The following SCN7A variants were observed in gnomAD, a reference collection of about 807,000 sequenced individuals.
SCN7A encodes sodium channel protein type 7 subunit alpha.
A neutral mutation model predicts 155.2 loss-of-function variants in SCN7A; 138 were observed. The observed-to-expected ratio is 0.89, with a 90% CI of 0.77 to 1.02. SCN7A has a LOEUF of 1.02. Ranked by LOEUF, SCN7A falls within the 50% of genes least tolerant of loss-of-function variation. The probability of loss-of-function intolerance (pLI) is 0.00; values close to 1 mark genes in which losing one functional copy is unlikely to be tolerated. For missense variants in SCN7A, 2,058 were observed against 1,986.6 expected, an observed-to-expected ratio of 1.04 and a Z score of -0.68; for synonymous variants, 693 against 649.0, an observed-to-expected ratio of 1.07 and a Z score of -1.03.
At chr2:166,434,124 C>G (rs1701789963) in intron 15 of SCN7A, among the ~76,000 whole-genome samples, 1 of 152,022 alleles carries the variant, frequency 6.6e-6, no homozygotes, top group South Asian at 2.1e-4. Flanking sequence ...TCTATGTGAA[C>G]AGTTGAGTTT....
intron 1 of SCN7A, among the ~76,000 whole-genome samples, chr2:166,492,245 G>A (rs775974277): frequency 1.4e-4 from 21 of 151,998 alleles, no homozygotes; most frequent in Non-Finnish European, 2.5e-4. Flanking sequence ...CCCTTTTCCT[G>A]AGCCCATGTA....
intron 15 of SCN7A, 135 bp downstream of exon 15, chr2:166,441,261 C>T (rs545783926): frequency 8.8e-6 from 5 of 569,386 alleles, no homozygotes; most frequent in Admixed American, 3.4e-5. Flanking sequence ...TTGATAATGG[C>T]CACATCTGGC....
rs753952932 is a variant in SCN7A, at chr2:166,472,423, T to C, written c.466A>G (p.Thr156Ala). 2 of 1,604,418 alleles carry C rather than the reference T, an allele frequency of 1.2e-6. No individual in the cohort carries two copies. The highest frequency in any genetic ancestry group is 1.1e-5 in the South Asian group (1 of 89,952). Residue 156 changes from threonine (T) to alanine (A), a missense_variant, in exon 6 of 26, where the codon ACA (threonine) becomes GCA (alanine). Coordinates refer to ENST00000643258, the MANE Select transcript of SCN7A (RefSeq NM_002976.4). ...AAGAGTTTTACAAGTATTTCAAATG[T>C]GTAAATTCCAAGCAAAGTATTCCTG... ...VLENTLLGIY[T>A]FEILVKLFAR...
rs1280322433 is a variant in SCN7A, at chr2:166,409,789, A to T, written c.3858T>A (p.Ile1286=). Reference sequence around the variant, plus strand: ...TATATAGCATAACAAAAATTGAGTTAATCCAGTAGAGAGCAATGGACATTT... The same window carrying T: ...TATATAGCATAACAAAAATTGAGTTTATCCAGTAGAGAGCAATGGACATTT... ...SLQMSIALYW[I]NSIFVMLYTM... Residue 1286 remains isoleucine, a synonymous_variant, in exon 25 of 26, where the codon ATT becomes ATA. Coordinates refer to ENST00000643258, the MANE Select transcript of SCN7A (RefSeq NM_002976.4). The T allele has an allele frequency of 3.2e-6, 5 of 1,571,026 alleles. No homozygotes were observed. Among genetic ancestry groups the T allele is most frequent in the African/African-American group, 2.7e-5 (2 of 74,186 alleles).
intron 10 of SCN7A, among the ~76,000 whole-genome samples, chr2:166,457,362 G>C (rs759363873): frequency 6.6e-6 from 1 of 152,164 alleles, no homozygotes; most frequent in Non-Finnish European, 1.5e-5. Context: ...TTCATTGATA[G>C]AGAAAATACA....
At chr2:166,445,478 T>C (rs1375254531) in intron 12 of SCN7A, among the ~76,000 whole-genome samples, 2 of 152,214 alleles carry the variant, frequency 1.3e-5, no homozygotes, top group African/African-American at 2.4e-5. Context: ...GATTTGAGGA[T>C]AGAATTCTGA....
chr2:166,407,434 C>T (rs1004249769), intron 25 of SCN7A, among the ~76,000 whole-genome samples: 82 of 152,014 alleles, frequency 5.4e-4, no homozygotes, highest in African/African-American at 2.0e-3. Flanking sequence ...AAGAAGGAAT[C>T]CCACGAGGCT....
intron 15 of SCN7A, among the ~76,000 whole-genome samples, chr2:166,436,926 C>A (rs1249693664): frequency 1.3e-5 from 2 of 152,014 alleles, no homozygotes; most frequent in Non-Finnish European, 2.9e-5. Flanking sequence ...GCAAAGTGTT[C>A]AAGAAGCAGA....
chr2:166,487,860 G>A lies in SCN7A; in HGVS notation c.-127-892C>T, dbSNP rs183600734. 4.8e-3 allele frequency among the ~76,000 whole-genome samples: 728 copies of A among 152,262 alleles called. 5 individuals carry two copies. Among genetic ancestry groups the A allele is most frequent in the African/African-American group, 0.017 (691 of 41,546 alleles). The stretch of plus-strand genomic sequence containing the variant: ...TGCAAATGCCAATTTCATTCCGTGT[G>A]CAGCAGGAAATAAGGATAAAATGAC... On this transcript the variant is annotated intron_variant, in intron 1 of 25. Coordinates refer to ENST00000643258, the MANE Select transcript of SCN7A (RefSeq NM_002976.4).
intron 7 of SCN7A, among the ~76,000 whole-genome samples, chr2:166,467,446 T>C (rs1702559190): frequency 6.7e-6 from 1 of 149,882 alleles, no homozygotes; most frequent in African/African-American, 2.4e-5. Context: ...AAGAAAAATA[T>C]ATGTCTGTGT....
intron 1 of SCN7A, among the ~76,000 whole-genome samples, chr2:166,492,125 G>C (rs13022308): frequency 6.6e-6 from 1 of 151,942 alleles, no homozygotes; most frequent in Non-Finnish European, 1.5e-5. Context: ...ACGAGGCTAC[G>C]GAGACAGAAT....
In SCN7A at chr2:166,441,641, T is replaced by C; in HGVS notation, c.1912A>G (p.Ile638Val). ...ATGCCGAATGCAGCAGAAAAGAAGA[T>C]GAATGTGAACAACAACAGGACCAAG... ...KDLVLLLFTFIFFSAAFGMKL... is the reference protein window; with the variant it reads ...KDLVLLLFTFVFFSAAFGMKL... Residue 638 changes from isoleucine (I) to valine (V), a missense_variant, in exon 15 of 26, where the codon ATC becomes GTC. Transcript: ENST00000643258. The C allele has an allele frequency of 1.2e-6, 2 of 1,613,894 alleles. No homozygotes were observed. Among genetic ancestry groups the C allele is most frequent in the Non-Finnish European group, 1.7e-6 (2 of 1,179,818 alleles).
At chr2:166,430,065 A>G (rs781680760) in intron 16 of SCN7A, among the ~76,000 whole-genome samples, 1 of 152,084 alleles carries the variant, frequency 6.6e-6, no homozygotes, top group Admixed American at 6.6e-5. Flanking sequence ...TTAATAGCAT[A>G]TAAGTAATAT....
At chr2:166,479,206 A>G (rs1359652832) in intron 2 of SCN7A, among the ~76,000 whole-genome samples, 1 of 152,116 alleles carries the variant, frequency 6.6e-6, no homozygotes, top group Non-Finnish European at 1.5e-5. Flanking sequence ...CTACTTCAGA[A>G]TTTTTCACTG....
chr2:166,429,214 C>A lies in SCN7A; in HGVS notation c.2653G>T (p.Glu885Ter). 1.3e-6 allele frequency: 2 copies of A among 1,547,838 alleles called. No individual in the cohort carries two copies. Among genetic ancestry groups the A allele is most frequent in the Non-Finnish European group, 1.7e-6 (2 of 1,144,972 alleles). ...CTTTCACCTCCATAGAACATTTCTTCTTCTTCAGAGATAGCAATATCAACA... is the reference window on the plus strand; with the variant it reads ...CTTTCACCTCCATAGAACATTTCTTATTCTTCAGAGATAGCAATATCAACA... ...STVDIAISEE[E>*]EMFYGGERSK... The change falls in exon 17 of 26, where the codon GAA becomes TAA. Residue 885 changes from glutamate to a stop codon, truncating the protein, a stop_gained. Coordinates refer to ENST00000643258, the MANE Select transcript of SCN7A (RefSeq NM_002976.4). LOFTEE classifies it high-confidence loss of function.
intron 18 of SCN7A, among the ~76,000 whole-genome samples, chr2:166,427,515 C>G (rs1701649023): frequency 6.6e-6 from 1 of 151,866 alleles, no homozygotes; most frequent in African/African-American, 2.4e-5. Flanking sequence ...ATTCACATTC[C>G]ATTTCCCACT....
At chr2:166,417,093 C>T in intron 20 of SCN7A, 108 bp from the exon 21 acceptor site, 2 of 833,482 alleles carry the variant, frequency 2.4e-6, no homozygotes, top group Non-Finnish European at 1.8e-6. Flanking sequence ...TAAAAAAAAA[C>T]CTTAAAAGGC....
At chr2:166,480,288 T>C (rs1189969781) in intron 2 of SCN7A, among the ~76,000 whole-genome samples, 14 of 152,072 alleles carry the variant, frequency 9.2e-5, no homozygotes, top group Admixed American at 9.2e-4. Context: ...AAACCCCGTC[T>C]CTGCTAAAAA....
chr2:166,470,374 T>C (rs1702627190), intron 7 of SCN7A, among the ~76,000 whole-genome samples: 1 of 151,896 alleles, frequency 6.6e-6, no homozygotes, highest in Non-Finnish European at 1.5e-5. Context: ...TTAAAATATA[T>C]TTCATTGATG....
Sources: gnomAD v4.1 joint callset for allele counts (sites outside exome capture counted in the v4.1 genomes callset) on GRCh38, gnomAD v4.1.1 for gene constraint, MANE v1.5 for transcripts, NCBI Gene and HGNC (gene_info 2026-07-23, HGNC 2026-07-21) for gene names.